Variants in VWC2L observed in about 807,000 individuals in gnomAD.
VWC2L encodes von Willebrand factor C domain-containing protein 2-like.
VWC2L carries 10 observed loss-of-function variants against 21.6 expected under a neutral mutation model. The observed-to-expected ratio is 0.46, with a 90% confidence interval of 0.29 to 0.78. The LOEUF (loss-of-function observed/expected upper bound fraction) is 0.78, where lower values mean the gene tolerates loss of function less well. VWC2L is among the 30% of genes least tolerant of loss of function. The pLI is 0.10. For synonymous variants in VWC2L, 96 were observed against 94.3 expected, an observed-to-expected ratio of 1.02 and a Z score of -0.10; for missense variants, 209 against 277.1, an observed-to-expected ratio of 0.75 and a Z score of 1.74.
intron 3 of VWC2L, among the ~76,000 whole-genome samples, chr2:214,444,255 T>A (rs1325930443): frequency 6.6e-6 from 1 of 152,062 alleles, no homozygotes; most frequent in East Asian, 1.9e-4. Flanking sequence ...TAATACCTAC[T>A]TTATCCCATA....
In VWC2L at chr2:214,547,784, T is replaced by A. The variant is rs1689733097; in HGVS notation, c.521-27888T>A. Among the ~76,000 whole-genome samples, 2 of 152,168 alleles carry A rather than the reference T, an allele frequency of 1.3e-5. 1 individual carries two copies. The highest frequency in any genetic ancestry group is 4.1e-4 in the South Asian group (2 of 4,836). Reference sequence around the variant, plus strand: ...AAGCACATAAGTAACTGGGTTTTGGTGGAAAACAAACAGCCTTGCGATGAC... The same window carrying A: ...AAGCACATAAGTAACTGGGTTTTGGAGGAAAACAAACAGCCTTGCGATGAC... On this transcript the variant is annotated intron_variant, in intron 3 of 3. Coordinates refer to ENST00000312504, the MANE Select transcript of VWC2L (RefSeq NM_001080500.4).
intron 3 of VWC2L, among the ~76,000 whole-genome samples, chr2:214,511,747 T>C (rs1414279749): frequency 1.3e-5 from 2 of 151,770 alleles, no homozygotes; most frequent in African/African-American, 4.8e-5. Context: ...AAAAGGTATA[T>C]AATCTCATGA....
At chr2:214,483,259 C>T (rs2126197811) in intron 3 of VWC2L, among the ~76,000 whole-genome samples, 1 of 152,248 alleles carries the variant, frequency 6.6e-6, no homozygotes, top group African/African-American at 2.4e-5. Flanking sequence ...GCTACCACTA[C>T]AATGTCCATG....
chr2:214,500,743 G>A (rs1234812021), intron 3 of VWC2L, among the ~76,000 whole-genome samples: 2 of 152,192 alleles, frequency 1.3e-5, no homozygotes, highest in African/African-American at 4.8e-5. Context: ...AAGAATGAAG[G>A]AGAGAATCAG....
intron 3 of VWC2L, among the ~76,000 whole-genome samples, chr2:214,570,743 GC>G (rs1690138469): frequency 6.6e-6 from 1 of 151,876 alleles, no homozygotes. Context: ...TTTGCTCCTA[GC>G]TCCAACTCCC....
intron 3 of VWC2L, among the ~76,000 whole-genome samples, chr2:214,484,525 TAC>T (rs755462855): frequency 1.2e-4 from 18 of 152,108 alleles, no homozygotes; most frequent in Non-Finnish European, 2.4e-4. Flanking sequence ...GGCATACACT[TAC>T]CACCCAGCTG....
At chr2:214,525,531 A>T (rs1324940825) in intron 3 of VWC2L, among the ~76,000 whole-genome samples, 1 of 152,138 alleles carries the variant, frequency 6.6e-6, no homozygotes, top group Non-Finnish European at 1.5e-5. Context: ...CCTTAAAAAG[A>T]TGATGTGAAT....
At chr2:214,499,109 C>T (rs1688855613) in intron 3 of VWC2L, among the ~76,000 whole-genome samples, 1 of 150,110 alleles carries the variant, frequency 6.7e-6, no homozygotes, top group East Asian at 2.0e-4. Flanking sequence ...ACCTCTGCCT[C>T]CCAGGTTCAA....
intron 3 of VWC2L, among the ~76,000 whole-genome samples, chr2:214,483,243 G>A (rs1004779783): frequency 6.6e-6 from 1 of 152,120 alleles, no homozygotes; most frequent in Non-Finnish European, 1.5e-5. Flanking sequence ...CAAACTAAGA[G>A]TACCAGCTAC....
At chr2:214,470,770 GGGCATATT>G (rs1703293817) in intron 3 of VWC2L, among the ~76,000 whole-genome samples, 1 of 151,764 alleles carries the variant, frequency 6.6e-6, no homozygotes, top group South Asian at 2.1e-4. Context: ...AAAATTAGCT[GGGCATATT>G]GGCACATGCC....
At chr2:214,421,573 G>A (rs1014888620) in intron 2 of VWC2L, among the ~76,000 whole-genome samples, 1 of 151,906 alleles carries the variant, frequency 6.6e-6, no homozygotes, top group Non-Finnish European at 1.5e-5. Context: ...TTGGGAGATC[G>A]GCGTTGATTT....
At chr2:214,424,137 T>C (rs552265836) in intron 2 of VWC2L, among the ~76,000 whole-genome samples, 6 of 152,294 alleles carry the variant, frequency 3.9e-5, no homozygotes, top group African/African-American at 1.4e-4. Flanking sequence ...TAAATCTATG[T>C]TATTCTAAAG....
At chr2:214,444,173 A>G (rs1019517174) in intron 3 of VWC2L, among the ~76,000 whole-genome samples, 5 of 152,138 alleles carry the variant, frequency 3.3e-5, no homozygotes, top group Non-Finnish European at 7.4e-5. Context: ...GTTGTACTTC[A>G]AATCAATGGG....
Position 214,555,370 on chromosome 2 carries a change from T to C in VWC2L, c.521-20302T>C, listed in dbSNP as rs114008394. Among the ~76,000 whole-genome samples, 348 of 152,334 alleles carry C rather than the reference T, an allele frequency of 2.3e-3. 2 individuals carry two copies. Among genetic ancestry groups the C allele is most frequent in the African/African-American group, 7.9e-3 (329 of 41,588 alleles). ...ATGTTATCAGGACCTGTTGAGACTG[T>C]GCCTTCGGCCTTGGTCACTCACATT... On this transcript the variant is annotated intron_variant, in intron 3 of 3. Transcript: ENST00000312504.
chr2:214,464,240 G>A (rs1703184035), intron 3 of VWC2L, among the ~76,000 whole-genome samples: 1 of 152,116 alleles, frequency 6.6e-6, no homozygotes, highest in Non-Finnish European at 1.5e-5. Flanking sequence ...GCATTGAAGA[G>A]TTGGGTATTT....
chr2:214,419,380 G>A (rs1028006269), intron 2 of VWC2L, among the ~76,000 whole-genome samples: 4 of 152,146 alleles, frequency 2.6e-5, no homozygotes, highest in African/African-American at 9.7e-5. Flanking sequence ...TTAATGCTGA[G>A]TTTCTCAAAG....
chr2:214,499,009 CTTTTTTTTTTTTT>C lies in VWC2L; in HGVS notation c.520+62268_520+62280del, dbSNP rs56085205. Among the ~76,000 whole-genome samples, 820 of 83,470 alleles carry C rather than the reference CTTTTTTTTTTTTT, an allele frequency of 9.8e-3. 14 individuals are homozygous for C. Among genetic ancestry groups the C allele is most frequent in the African/African-American group, 0.047 (773 of 16,526 alleles). 54.8% of individuals were successfully genotyped at this position (83,470 alleles called of 152,430 possible). ...CTTCTGAGGCTTATATCGTACCATT[CTTTTTTTTTTTTT>C]TTTTTTTTTTTTTTTTGAGACAGAG... On this transcript the variant is annotated intron_variant, in intron 3 of 3. Transcript: ENST00000312504.
At chr2:214,445,529 T>C (rs1702825362) in intron 3 of VWC2L, among the ~76,000 whole-genome samples, 1 of 151,836 alleles carries the variant, frequency 6.6e-6, no homozygotes. Context: ...TATGTACATA[T>C]ATACATATTT....
rs1574601236 is a variant in VWC2L, at chr2:214,502,233, G to A, written c.520+65475G>A. On this transcript the variant is annotated intron_variant, in intron 3 of 3. Coordinates refer to ENST00000312504, the MANE Select transcript of VWC2L (RefSeq NM_001080500.4). ...CTCAATAAATATCAGTGATTATTATGTAAGGTGTTTTGTTCATGCAAAGTG... is the reference window on the plus strand; with the variant it reads ...CTCAATAAATATCAGTGATTATTATATAAGGTGTTTTGTTCATGCAAAGTG... Among the ~76,000 whole-genome samples the A allele has an allele frequency of 3.3e-5, 5 of 152,064 alleles. No individual in the cohort carries two copies. In the South Asian group the frequency reaches 1.0e-3, roughly 32 times the overall value.
Sources: gnomAD v4.1 joint callset for allele counts (sites outside exome capture counted in the v4.1 genomes callset) on GRCh38, gnomAD v4.1.1 for gene constraint, MANE v1.5 for transcripts, NCBI Gene and HGNC (gene_info 2026-07-23, HGNC 2026-07-21) for gene names.